The following SBNO2 variants were observed in gnomAD, a reference collection of about 807,000 sequenced individuals.
SBNO2 encodes strawberry notch homolog 2, also known as protein strawberry notch homolog 2.
SBNO2 carries 89 observed loss-of-function variants against 146.3 expected under a neutral mutation model. The observed-to-expected ratio is 0.61, with a 90% CI of 0.51 to 0.73. The LOEUF (loss-of-function observed/expected upper bound fraction) is 0.73, where lower values mean the gene tolerates loss of function less well. Ranked by LOEUF, SBNO2 falls within the 30% of genes least tolerant of loss-of-function variation. SBNO2 has a pLI of 0.00. For missense variants in SBNO2, 2,092 were observed against 2,003.7 expected, an observed-to-expected ratio of 1.04 and a Z score of -0.84; for synonymous variants, 1,147 against 892.6, an observed-to-expected ratio of 1.29 and a Z score of -5.08.
In SBNO2 at chr19:1,136,766, T is replaced by G. The variant is rs2080088214; in HGVS notation, c.280-9001A>C. On this transcript the variant is annotated intron_variant, in intron 4 of 31. Transcript: ENST00000361757. The surrounding 1 kb of genome is among the most constrained non-coding windows in gnomAD (Gnocchi z 4.2). Reference sequence around the variant, plus strand: ...CATCTGCAGAACAGTCAATGCTGCCTGCCTCCCTGCCTGAAAGCAGCCAGA... The same window carrying G: ...CATCTGCAGAACAGTCAATGCTGCCGGCCTCCCTGCCTGAAAGCAGCCAGA... Among the ~76,000 whole-genome samples the G allele has an allele frequency of 6.6e-6, 1 of 152,212 alleles. No individual in the cohort carries two copies.
intron 1 of SBNO2, among the ~76,000 whole-genome samples, chr19:1,167,434 C>T (rs1029862905): frequency 2.0e-5 from 3 of 152,214 alleles, no homozygotes; most frequent in Non-Finnish European, 4.4e-5. Flanking sequence ...CGGGAGAGTC[C>T]GCGCCTGAGC....
rs1428839243 is a variant in SBNO2, at chr19:1,108,438, C to T, written c.3883G>A (p.Asp1295Asn). The T allele has an allele frequency of 3.2e-6, 4 of 1,247,298 alleles. No individual in the cohort carries two copies. 77.3% of individuals were successfully genotyped at this position (1,247,298 alleles called of 1,614,324 possible). Reference sequence around the variant, plus strand: ...AGGGCCGCAGGGTCGGCCTGGGCGTCGGGGGTGCCCAGCGGCACGACGCCG... The same window carrying T: ...AGGGCCGCAGGGTCGGCCTGGGCGTTGGGGGTGCCCAGCGGCACGACGCCG... ...GPGVVPLGTP[D>N]AQADPAALAH... Residue 1295 changes from aspartate (D) to asparagine (N), a missense_variant, in exon 32 of 32, where the codon GAC becomes AAC. Transcript: ENST00000361757.
In SBNO2 at chr19:1,117,373, T is replaced by C; in HGVS notation, c.1654A>G (p.Lys552Glu). 6.3e-7 allele frequency: 1 copy of C among 1,585,678 alleles called. No individual in the cohort carries two copies. ...GCCAGCTCCACCAGCCGGCGCACCTTGGCTGCGATGCACAGATACTTGAAG... is the reference window on the plus strand; with the variant it reads ...GCCAGCTCCACCAGCCGGCGCACCTCGGCTGCGATGCACAGATACTTGAAG... Reference protein sequence around the residue: ...RFFKYLCIAAKVRRLVELARE... With the variant: ...RFFKYLCIAAEVRRLVELARE... The change falls in exon 15 of 32, where the codon AAG becomes GAG. Residue 552 changes from lysine to glutamate, a missense_variant. Coordinates refer to ENST00000361757, the MANE Select transcript of SBNO2 (RefSeq NM_014963.3).
At chr19:1,114,469 G>C in intron 17 of SBNO2, 47 bp from the exon 18 acceptor site, 2 of 1,446,386 alleles carry the variant, frequency 1.4e-6, no homozygotes, top group Non-Finnish European at 1.8e-6. Flanking sequence ...CAGCAAGGTG[G>C]AGGAGCAGGT....
intron 2 of SBNO2, among the ~76,000 whole-genome samples, chr19:1,151,590 G>A (rs2080243031): frequency 6.6e-6 from 1 of 152,220 alleles, no homozygotes; most frequent in Non-Finnish European, 1.5e-5. Context: ...TAGATGGCAG[G>A]TCCTAGCACA....
At chr19:1,163,865 G>A (rs754058958) in intron 1 of SBNO2, among the ~76,000 whole-genome samples, 81 of 152,196 alleles carry the variant, frequency 5.3e-4, no homozygotes, top group Non-Finnish European at 1.1e-3. Context: ...CACGAGGAAC[G>A]GCAGTGGCCC....
chr19:1,120,036 TG>T lies in SBNO2; in HGVS notation c.1150-14del. The T allele has an allele frequency of 6.5e-7, 1 of 1,547,074 alleles. No homozygotes were observed. Among genetic ancestry groups the T allele is most frequent in the Non-Finnish European group, 8.7e-7 (1 of 1,144,206 alleles). On this transcript the variant is annotated splice_polypyrimidine_tract_variant and intron_variant, in intron 11 of 31. Transcript: ENST00000361757. ...CGTCGAACACGATCTGAGGCACACG[TG>T]GGTTAAGGAGTATTCTGAAGGACGG...
Position 1,111,031 on chromosome 19 carries a change from C to T in SBNO2, c.2872G>A (p.Asp958Asn). Residue 958 changes from aspartate (D) to asparagine (N), a missense_variant, in exon 25 of 32, where the codon GAC (aspartate) becomes AAC (asparagine). Transcript: ENST00000361757. ...GGRESRNGCL[D>N]VEKDCSITKF... ...GTGGGGCACTCACCCTTCTCCACGT[C>T]CAGGCAGCCATTCCGGGACTCCCGG... 1 of 1,580,620 alleles carries T rather than the reference C, an allele frequency of 6.3e-7. No individual in the cohort carries two copies. The highest frequency in any genetic ancestry group is 8.6e-7 in the Non-Finnish European group (1 of 1,164,140).
chr19:1,135,231 G>A (rs11882937), intron 4 of SBNO2, among the ~76,000 whole-genome samples: 10,029 of 151,740 alleles, frequency 0.066, 421 homozygotes, highest in East Asian at 0.16. Flanking sequence ...GCATGGTGGC[G>A]GGCACCTGTG....
In SBNO2 at chr19:1,112,438, G is replaced by C; in HGVS notation, c.2479C>G (p.Leu827Val). Residue 827 changes from leucine (L) to valine (V), a missense_variant, in exon 21 of 32, where the codon CTG becomes GTG. By Grantham distance (32) the Leu-to-Val change is conservative (BLOSUM62 1). Transcript: ENST00000361757. The surrounding 1 kb of genome is among the most constrained non-coding windows in gnomAD (Gnocchi z 5.9). ...ATGGCGCGGTCGGCGCTCCACGGCA[G>C]CTCCAAGGTCATGTGCACGCGGCGC... Reference protein sequence around the residue: ...QRRRVHMTLELPWSADRAIQQ... With the variant: ...QRRRVHMTLEVPWSADRAIQQ... The C allele has an allele frequency of 6.2e-7, 1 of 1,607,294 alleles. No individual in the cohort carries two copies. The highest frequency in any genetic ancestry group is 8.5e-7 in the Non-Finnish European group (1 of 1,178,716).
At position 1,158,873 on chromosome 19, in the gene SBNO2, G is replaced by A. The variant is rs2080316938; in HGVS notation, c.-126-4471C>T. ...GACCTCACAGCCGTGATGGCCTCCTGCAGCTGTGACCGCCGCCCCACAGCC... is the reference window on the plus strand; with the variant it reads ...GACCTCACAGCCGTGATGGCCTCCTACAGCTGTGACCGCCGCCCCACAGCC... On this transcript the variant is annotated intron_variant, in intron 1 of 31. Transcript: ENST00000361757. The surrounding 1 kb of genome is among the most constrained non-coding windows in gnomAD (Gnocchi z 9.9). 6.6e-6 allele frequency among the ~76,000 whole-genome samples: 1 copy of A among 152,030 alleles called. No homozygotes were observed. Among genetic ancestry groups the A allele is most frequent in the African/African-American group, 2.4e-5 (1 of 41,340 alleles).
rs1416551528 is a variant in SBNO2 at position 1,144,344 on chromosome 19, T to TC, written c.279+2964_279+2965insG. ...AGTTCTGCTGCTTTAACAGGGAGAT[T>TC]TGGGTCCAAGCTGCCCCACATACGG... On this transcript the variant is annotated intron_variant, in intron 4 of 31. Coordinates refer to ENST00000361757, the MANE Select transcript of SBNO2 (RefSeq NM_014963.3). This position sits in a 1 kb window ranked among gnomAD's most constrained non-coding sequence, Gnocchi z 4.1. Among the ~76,000 whole-genome samples, 5 of 152,164 alleles carry TC rather than the reference T, an allele frequency of 3.3e-5. No individual in the cohort carries two copies. The East Asian group carries it at 9.6e-4, about 29-fold the overall frequency.
Position 1,122,547 on chromosome 19 carries a change from G to A in SBNO2, c.926C>T (p.Ser309Phe). 6.5e-7 allele frequency: 1 copy of A among 1,547,538 alleles called. No individual in the cohort carries two copies. Among genetic ancestry groups the A allele is most frequent in the Non-Finnish European group, 8.7e-7 (1 of 1,147,806 alleles). Residue 309 changes from serine (S) to phenylalanine (F), a missense_variant, in exon 10 of 32, where the codon TCC becomes TTC. Physicochemically the swap from Ser to Phe is radical, Grantham distance 155 (BLOSUM62 -2). Coordinates refer to ENST00000361757, the MANE Select transcript of SBNO2 (RefSeq NM_014963.3). ...CTCCGCATCGTACTTGAGGTCGTTG[G>A]AGACGCTGAACCTGCGGGGTGGGGG... ...GRKKALWFSV[S>F]NDLKYDAERD...
chr19:1,109,229 C>CTT lies in SBNO2; in HGVS notation c.3349-19_3349-18insAA, dbSNP rs2079720592. The CTT allele has an allele frequency of 6.4e-7, 1 of 1,570,626 alleles. No homozygotes were observed. The highest frequency in any genetic ancestry group is 1.4e-5 in the African/African-American group (1 of 73,972). ...GCGGTGACCTAGGGACACAGGGCCG[C>CTT]ATGAGCCTGGGCGGGGTCAGGGCCG... On this transcript the variant is annotated intron_variant, in intron 29 of 31. Transcript: ENST00000361757. This position sits in a 1 kb window ranked among gnomAD's most constrained non-coding sequence, Gnocchi z 4.2.
At chr19:1,163,850 C>T (rs1324385664) in intron 1 of SBNO2, among the ~76,000 whole-genome samples, 1 of 152,162 alleles carries the variant, frequency 6.6e-6, no homozygotes, top group African/African-American at 2.4e-5. Flanking sequence ...AAGTTCTCCC[C>T]GCCCCACGAG....
intron 4 of SBNO2, among the ~76,000 whole-genome samples, chr19:1,131,131 C>T (rs1220753463): frequency 1.3e-5 from 2 of 152,204 alleles, no homozygotes; most frequent in South Asian, 2.1e-4. Context: ...CTAAGTCCCA[C>T]CCGCGCCTGT....
At chr19:1,171,663 G>A (rs1213263137) in intron 1 of SBNO2, among the ~76,000 whole-genome samples, 6 of 152,158 alleles carry the variant, frequency 3.9e-5, no homozygotes, top group African/African-American at 1.4e-4. Context: ...GGGCCCTGCC[G>A]GAGGGGCATC....
At chr19:1,161,906 CGGGGGG>C (rs916715232) in intron 1 of SBNO2, among the ~76,000 whole-genome samples, 16 of 1,344 alleles carry the variant, frequency 0.012, 1 homozygote, top group African/African-American at 0.061. Context: ...TGGGGAGCCG[CGGGGGG>C]GGGGGGGGGG....
At chr19:1,115,085 A>C (rs1267960176) in intron 17 of SBNO2, among the ~76,000 whole-genome samples, 1 of 151,400 alleles carries the variant, frequency 6.6e-6, no homozygotes, top group Non-Finnish European at 1.5e-5. Flanking sequence ...ATGCACCACC[A>C]CACCTGGCTA....
Sources: gnomAD v4.1 joint callset for allele counts (sites outside exome capture counted in the v4.1 genomes callset) on GRCh38, gnomAD v4.1.1 for gene constraint, Gnocchi (gnomAD v3.1) non-coding constraint, MANE v1.5 for transcripts, NCBI Gene and HGNC (gene_info 2026-07-23, HGNC 2026-07-21) for gene names.